GPC5: variants seen among roughly 807,000 people sequenced by gnomAD.
GPC5 encodes glypican-5.
A neutral mutation model predicts 53.9 loss-of-function variants in GPC5; 47 were observed. The observed-to-expected ratio is 0.87, with a 90% CI of 0.69 to 1.11. GPC5 has a LOEUF of 1.11. Among genes scored for constraint, GPC5 ranks in the 50% most tolerant of loss-of-function variants. The probability of loss-of-function intolerance (pLI) is 0.00; values close to 1 mark genes in which losing one functional copy is unlikely to be tolerated. For synonymous variants in GPC5, 286 were observed against 263.3 expected (o/e 1.09, Z -0.84); for missense variants, 748 against 713.1 (o/e 1.05, Z -0.56).
At chr13:92,006,543 T>C (rs747423948) in intron 6 of GPC5, among the ~76,000 whole-genome samples, 2 of 152,194 alleles carry the variant, frequency 1.3e-5, no homozygotes, top group Non-Finnish European at 2.9e-5. Context: ...CTTTGTCTTA[T>C]ACTAGGCTCT....
At chr13:91,438,710 C>T (rs544099409) in intron 1 of GPC5, among the ~76,000 whole-genome samples, 3 of 152,228 alleles carry the variant, frequency 2.0e-5, no homozygotes, top group African/African-American at 4.8e-5. Flanking sequence ...ACATTTAAGT[C>T]TGCAGAGGAT....
intron 7 of GPC5, among the ~76,000 whole-genome samples, chr13:92,182,482 A>T (rs2042153656): frequency 1.3e-5 from 2 of 152,238 alleles, no homozygotes; most frequent in Non-Finnish European, 2.9e-5. Context: ...AAGACATCTG[A>T]TGGGTATAAT....
At chr13:91,587,817 AAG>A (rs928330518) in intron 2 of GPC5, among the ~76,000 whole-genome samples, 3 of 152,166 alleles carry the variant, frequency 2.0e-5, no homozygotes, top group Non-Finnish European at 2.9e-5. Context: ...ACCCTCATGA[AAG>A]AGAGTTTTAT....
At chr13:92,072,560 G>C (rs1243263099) in intron 6 of GPC5, among the ~76,000 whole-genome samples, 1 of 131,512 alleles carries the variant, frequency 7.6e-6, no homozygotes, top group Non-Finnish European at 1.6e-5. Flanking sequence ...CACTGTGCCT[G>C]GCCACTAAAT....
intron 5 of GPC5, among the ~76,000 whole-genome samples, chr13:91,871,552 T>C (rs2039144791): frequency 6.6e-6 from 1 of 152,174 alleles, no homozygotes; most frequent in South Asian, 2.1e-4. Flanking sequence ...TAGTACTACC[T>C]TTAAAATTAA....
chr13:92,497,103 G>C (rs1456215455), intron 7 of GPC5, among the ~76,000 whole-genome samples: 2 of 152,098 alleles, frequency 1.3e-5, no homozygotes, highest in African/African-American at 4.8e-5. Context: ...AAGTTCTTTA[G>C]TTTAATTAGA....
intron 3 of GPC5, among the ~76,000 whole-genome samples, chr13:91,698,872 C>T (rs1442692399): frequency 1.3e-5 from 2 of 152,114 alleles, no homozygotes; most frequent in African/African-American, 4.8e-5. Context: ...ATGACACTTT[C>T]ACAATAATAA....
chr13:91,551,537 G>A (rs1014493154), intron 2 of GPC5, among the ~76,000 whole-genome samples: 3 of 151,992 alleles, frequency 2.0e-5, no homozygotes, highest in Non-Finnish European at 1.5e-5. Context: ...GGTATGTCAG[G>A]GATTGATGTG....
At position 92,264,051 on chromosome 13, in the gene GPC5, T is replaced by C. The variant is rs568061330; in HGVS notation, c.1561+119062T>C. 3.9e-5 allele frequency among the ~76,000 whole-genome samples: 6 copies of C among 152,226 alleles called. No homozygotes were observed. The South Asian group carries it at 8.3e-4, about 21-fold the overall frequency. On this transcript the variant is annotated intron_variant, in intron 7 of 7. Transcript: ENST00000377067. ...TAAACATACAGAAAACATCACATTA[T>C]ATCCCATAAATAAACATAATTATTT...
intron 2 of GPC5, among the ~76,000 whole-genome samples, chr13:91,575,486 A>G (rs1415619230): frequency 6.6e-6 from 1 of 152,160 alleles, no homozygotes; most frequent in Non-Finnish European, 1.5e-5. Context: ...AGAGATGTTG[A>G]GAATAACAGA....
At chr13:92,527,417 T>A (rs1371650833) in intron 7 of GPC5, among the ~76,000 whole-genome samples, 1 of 152,086 alleles carries the variant, frequency 6.6e-6, no homozygotes, top group African/African-American at 2.4e-5. Context: ...GTATGGTTAA[T>A]AGCCAAAACT....
At chr13:91,832,921 G>T (rs1201446547) in intron 5 of GPC5, among the ~76,000 whole-genome samples, 1 of 151,710 alleles carries the variant, frequency 6.6e-6, no homozygotes, top group South Asian at 2.1e-4. Flanking sequence ...ATAGAGACAC[G>T]AAAAACCCTT....
chr13:92,101,617 T>TA (rs1802625001), intron 6 of GPC5, among the ~76,000 whole-genome samples: 1 of 152,216 alleles, frequency 6.6e-6, no homozygotes, highest in Non-Finnish European at 1.5e-5. Flanking sequence ...ATGAGTGACT[T>TA]ACAGTTTACA....
At chr13:92,255,453 CT>C (rs1451236280) in intron 7 of GPC5, among the ~76,000 whole-genome samples, 1 of 152,042 alleles carries the variant, frequency 6.6e-6, no homozygotes, top group African/African-American at 2.4e-5. Flanking sequence ...ATGGGGATAA[CT>C]TTGTCTCTTC....
intron 7 of GPC5, among the ~76,000 whole-genome samples, chr13:92,752,954 G>C (rs1874652204): frequency 6.6e-6 from 1 of 152,204 alleles, no homozygotes; most frequent in African/African-American, 2.4e-5. Flanking sequence ...GGCAAACAAA[G>C]CAGCCAGGAA....
chr13:92,052,440 G>A (rs764513591), intron 6 of GPC5, among the ~76,000 whole-genome samples: 42 of 152,158 alleles, frequency 2.8e-4, no homozygotes, highest in Non-Finnish European at 5.6e-4. Flanking sequence ...GAACCCGAGC[G>A]GGTTGCTGCC....
chr13:91,771,270 T>G (rs1471344721), intron 5 of GPC5, among the ~76,000 whole-genome samples: 1 of 152,206 alleles, frequency 6.6e-6, no homozygotes, highest in Non-Finnish European at 1.5e-5. Context: ...TAACTATTTT[T>G]TCACTTATAT....
chr13:92,817,718 C>T (rs1024852756), intron 7 of GPC5, among the ~76,000 whole-genome samples: 3 of 151,782 alleles, frequency 2.0e-5, no homozygotes, highest in Non-Finnish European at 2.9e-5. Flanking sequence ...AAAAGTATAC[C>T]GTTTCACTGA....
chr13:92,308,386 T>TA (rs1263679755), intron 7 of GPC5, among the ~76,000 whole-genome samples: 1 of 152,166 alleles, frequency 6.6e-6, no homozygotes, highest in Non-Finnish European at 1.5e-5. Flanking sequence ...GTTTTTGTTT[T>TA]TATATATATG....
Sources: allele counts gnomAD v4.1 joint callset (sites outside exome capture counted in the v4.1 genomes callset), GRCh38; gene constraint gnomAD v4.1.1; transcripts MANE v1.5; gene names NCBI Gene and HGNC (gene_info 2026-07-23, HGNC 2026-07-21).